CSMD1: variants seen among roughly 807,000 people sequenced by gnomAD.
The protein encoded by CSMD1 is CUB and Sushi multiple domains 1.
In CSMD1, 213 loss-of-function variants were observed where a neutral mutation model predicts 417.5. That is an observed-to-expected ratio of 0.51 (90% CI 0.46 to 0.57). The LOEUF (loss-of-function observed/expected upper bound fraction) is 0.57. Ranked by LOEUF, CSMD1 falls within the 20% of genes least tolerant of loss-of-function variation. The pLI is 0.00. For synonymous variants in CSMD1, 2,862 were observed against 1,736.8 expected (o/e 1.65, Z -16.11); for missense variants, 6,923 against 4,529.7 (o/e 1.53, Z -15.17).
chr8:3,439,122 C>CAAAAAAAAAAAAAAAAAAAAAAAAAAAA (rs1158997352), intron 12 of CSMD1, among the ~76,000 whole-genome samples: 2 of 2,494 alleles, frequency 8.0e-4, no homozygotes, highest in African/African-American at 2.4e-3. Context: ...GACTCCATCT[C>CAAAAAAAAAAAAAAAAAAAAAAAAAAAA]AAAAAAAAAA....
chr8:4,596,536 A>G (rs1415030727), intron 2 of CSMD1, among the ~76,000 whole-genome samples: 1 of 148,662 alleles, frequency 6.7e-6, no homozygotes, highest in Non-Finnish European at 1.5e-5. Context: ...TTTTCTCACC[A>G]AGCTATAAGC....
At chr8:3,537,106 C>T (rs1219865040) in intron 10 of CSMD1, among the ~76,000 whole-genome samples, 2 of 152,078 alleles carry the variant, frequency 1.3e-5, no homozygotes, top group Non-Finnish European at 2.9e-5. Flanking sequence ...TGGGTTCCAG[C>T]AATTCCCCTG....
intron 1 of CSMD1, among the ~76,000 whole-genome samples, chr8:4,964,109 G>C (rs182112271): frequency 6.6e-6 from 1 of 151,984 alleles, no homozygotes; most frequent in Non-Finnish European, 1.5e-5. Flanking sequence ...ACTTTCTCAA[G>C]TGGCACTATC....
At chr8:3,888,792 T>A (rs978169417) in intron 5 of CSMD1, among the ~76,000 whole-genome samples, 3 of 152,102 alleles carry the variant, frequency 2.0e-5, no homozygotes, top group African/African-American at 7.2e-5. Flanking sequence ...TCCTTCCAAA[T>A]AGCCCTTCTA....
chr8:4,131,140 C>G (rs1447002352), intron 3 of CSMD1, among the ~76,000 whole-genome samples: 1 of 152,102 alleles, frequency 6.6e-6, no homozygotes, highest in Non-Finnish European at 1.5e-5. Context: ...AAGTTATAAT[C>G]ATAATGTAGA....
intron 3 of CSMD1, among the ~76,000 whole-genome samples, chr8:4,334,753 T>C (rs187971465): frequency 6.6e-6 from 1 of 152,196 alleles, no homozygotes; most frequent in Non-Finnish European, 1.5e-5. Context: ...CGCTCGACTC[T>C]ACTGTGTAGT....
chr8:4,646,874 C>A (rs1803551528), intron 1 of CSMD1, among the ~76,000 whole-genome samples: 1 of 152,052 alleles, frequency 6.6e-6, no homozygotes, highest in South Asian at 2.1e-4. Context: ...ATATGGAGAC[C>A]TGAATCATGA....
intron 2 of CSMD1, among the ~76,000 whole-genome samples, chr8:4,582,871 G>C (rs868174755): frequency 1.3e-5 from 2 of 152,236 alleles, no homozygotes; most frequent in South Asian, 4.1e-4. Context: ...GGCACTTGCG[G>C]GCCAGCTGGA....
chr8:4,437,561 C>G (rs905363748), intron 2 of CSMD1, among the ~76,000 whole-genome samples: 1 of 152,184 alleles, frequency 6.6e-6, no homozygotes, highest in African/African-American at 2.4e-5. Context: ...CTGCAGATAT[C>G]TTGAGCAGAC....
intron 5 of CSMD1, among the ~76,000 whole-genome samples, chr8:3,978,021 A>G (rs1813573349): frequency 6.6e-6 from 1 of 152,168 alleles, no homozygotes; most frequent in Non-Finnish European, 1.5e-5. Flanking sequence ...TCAGATGGAC[A>G]CTTGCTTGTC....
At chr8:4,074,721 A>C (rs1223313153) in intron 3 of CSMD1, among the ~76,000 whole-genome samples, 1 of 152,026 alleles carries the variant, frequency 6.6e-6, no homozygotes, top group Non-Finnish European at 1.5e-5. Context: ...AGACCATTTA[A>C]TTTCATTGAT....
chr8:4,803,167 T>A (rs534383945), intron 1 of CSMD1, among the ~76,000 whole-genome samples: 2 of 152,186 alleles, frequency 1.3e-5, no homozygotes, highest in African/African-American at 4.8e-5. Flanking sequence ...ATAAGCTATT[T>A]GTTAATATTC....
intron 5 of CSMD1, among the ~76,000 whole-genome samples, chr8:3,928,471 G>C (rs537794595): frequency 5.3e-5 from 8 of 152,246 alleles, no homozygotes; most frequent in Non-Finnish European, 1.2e-4. Flanking sequence ...TCTTTTTGTA[G>C]AAATAAAAAT....
At chr8:4,591,355 C>G (rs750261392) in intron 2 of CSMD1, among the ~76,000 whole-genome samples, 1 of 152,122 alleles carries the variant, frequency 6.6e-6, no homozygotes, top group Non-Finnish European at 1.5e-5. Flanking sequence ...CACAGACAAA[C>G]TAGTTGGGCC....
At chr8:4,759,277 A>T (rs1403530965) in intron 1 of CSMD1, among the ~76,000 whole-genome samples, 1 of 152,170 alleles carries the variant, frequency 6.6e-6, no homozygotes, top group Non-Finnish European at 1.5e-5. Flanking sequence ...GGATGCCACC[A>T]GGGAAGGAAG....
chr8:3,899,953 G>T (rs993565810), intron 5 of CSMD1, among the ~76,000 whole-genome samples: 1 of 152,244 alleles, frequency 6.6e-6, no homozygotes, highest in Non-Finnish European at 1.5e-5. Flanking sequence ...CCATGGGAAG[G>T]GTAGTTGCTC....
intron 3 of CSMD1, among the ~76,000 whole-genome samples, chr8:4,158,313 G>A: frequency 6.6e-6 from 1 of 151,974 alleles, no homozygotes. Flanking sequence ...CTTGGAGGAA[G>A]GATGCAATCA....
At chr8:3,485,538 C>CACACACACACAG (rs376214281) in intron 11 of CSMD1, among the ~76,000 whole-genome samples, 4,045 of 134,878 alleles carry the variant, frequency 0.03, 90 homozygotes, top group African/African-American at 0.059. Flanking sequence ...CACACACACA[C>CACACACACACAG]AGAGAGAGAG....
intron 42 of CSMD1, among the ~76,000 whole-genome samples, chr8:3,114,645 G>C (rs1585386764): frequency 6.6e-6 from 1 of 151,954 alleles, no homozygotes; most frequent in Admixed American, 6.6e-5. Flanking sequence ...GTTGGTAATG[G>C]AGATTTTAAA....
Sources: allele counts gnomAD v4.1 joint callset (sites outside exome capture counted in the v4.1 genomes callset), GRCh38; gene constraint gnomAD v4.1.1; transcripts MANE v1.5; gene names NCBI Gene and HGNC (gene_info 2026-07-23, HGNC 2026-07-21).